Variants in ONECUT1 observed in about 807,000 individuals in gnomAD.
ONECUT1 encodes the protein hepatocyte nuclear factor 6.
ONECUT1 carries 12 observed loss-of-function variants against 25.6 expected under a neutral mutation model. That is an observed-to-expected ratio of 0.47 (90% CI 0.30 to 0.76). ONECUT1 has a LOEUF of 0.76. Among genes scored for constraint, ONECUT1 ranks in the 30% least tolerant of loss-of-function variants. ONECUT1 has a pLI of 0.07. For synonymous variants in ONECUT1, 285 were observed against 270.2 expected, an observed-to-expected ratio of 1.05 and a Z score of -0.54; for missense variants, 620 against 651.2, an observed-to-expected ratio of 0.95 and a Z score of 0.52.
rs753677708 is a variant in ONECUT1, at chr15:52,777,744, A to AAAAAC, written c.1105+11035_1105+11036insGTTTT. On this transcript the variant is annotated intron_variant, in intron 1 of 1. Coordinates refer to ENST00000305901, the MANE Select transcript of ONECUT1 (RefSeq NM_004498.4). ...CACACACACACACACACACAAAAAA[A>AAAAAC]CATGTAAAGTTATTTGTTCTCTTCC... Among the ~76,000 whole-genome samples the AAAAAC allele has an allele frequency of 3.3e-3, 491 of 146,764 alleles. 12 individuals are homozygous for AAAAAC. The highest frequency in any genetic ancestry group is 0.014 in the Middle Eastern group (4 of 286).
chr15:52,768,160 T>C (rs1343972666), intron 1 of ONECUT1, among the ~76,000 whole-genome samples: 1 of 152,196 alleles, frequency 6.6e-6, no homozygotes, highest in Admixed American at 6.5e-5. Flanking sequence ...TTATAATTTA[T>C]TGTATATTTC....
rs779412538 is a variant in ONECUT1, at chr15:52,789,046, A to T, written c.839T>A (p.Val280Asp). The T allele has an allele frequency of 8.7e-6, 14 of 1,603,912 alleles. No individual in the cohort carries two copies. The highest frequency in any genetic ancestry group is 1.2e-5 in the Non-Finnish European group (14 of 1,179,922). The change falls in exon 1 of 2, where the codon GTC (valine) becomes GAC (aspartate). Residue 280 changes from valine to aspartate, a missense_variant. Transcript: ENST00000305901. The surrounding 1 kb of genome is among the most constrained non-coding windows in gnomAD (Gnocchi z 4.1). ...EPNPSVTGAQ[V>D]SNGSNSGQME... ...CTGCCCTGAATTACTTCCATTGCTG[A>T]CCTGCGCGCCGGTCACCGAAGGGTT...
intron 1 of ONECUT1, among the ~76,000 whole-genome samples, chr15:52,764,079 C>A (rs1167304039): frequency 6.6e-6 from 1 of 152,136 alleles, no homozygotes. Context: ...AACTTATATC[C>A]ATTTTCCTGA....
chr15:52,790,142 T>C lies in ONECUT1; in HGVS notation c.-258A>G, dbSNP rs562083496. The stretch of plus-strand genomic sequence containing the variant: ...CTCTGCGTCCTCGGCTTTTTTTTTT[T>C]TAATATTAATTTCCAAAGAGGATCC... On this transcript the variant is annotated 5_prime_UTR_variant, in exon 1 of 2. Transcript: ENST00000305901. 37 of 444,102 alleles carry C rather than the reference T, an allele frequency of 8.3e-5. No individual in the cohort carries two copies. Among genetic ancestry groups the C allele is most frequent in the African/African-American group, 7.1e-4 (35 of 49,096 alleles). 27.5% of individuals were successfully genotyped at this position (444,102 alleles called of 1,614,324 possible).
In ONECUT1 at chr15:52,789,563, G is replaced by T. The variant is rs766028271; in HGVS notation, c.322C>A (p.Pro108Thr). The T allele has an allele frequency of 6.3e-7, 1 of 1,592,140 alleles. No individual in the cohort carries two copies. The highest frequency in any genetic ancestry group is 8.6e-7 in the Non-Finnish European group (1 of 1,167,650). The change falls in exon 1 of 2, where the codon CCT (proline) becomes ACT (threonine). Residue 108 changes from proline (P) to threonine (T), a missense_variant. By Grantham distance (38) the Pro-to-Thr change is conservative. This residue lies in a region of ONECUT1 where 440 missense variants were observed against 404.9 expected (regional missense o/e 1.09). Transcript: ENST00000305901. This position sits in a 1 kb window ranked among gnomAD's most constrained non-coding sequence, Gnocchi z 4.1. ...SMPTTYTTLT[P>T]LQPLPPISTV... is the part of the protein sequence containing the mutation. ...GAGATGGGAGGCAGCGGCTGCAGAGGGGTCAAGGTGGTGTAGGTGGTGGGC... is the reference window on the plus strand; with the variant it reads ...GAGATGGGAGGCAGCGGCTGCAGAGTGGTCAAGGTGGTGTAGGTGGTGGGC...
intron 1 of ONECUT1, among the ~76,000 whole-genome samples, chr15:52,768,026 A>T (rs2093701080): frequency 1.3e-5 from 2 of 152,218 alleles, no homozygotes; most frequent in Non-Finnish European, 2.9e-5. Context: ...GATGGTTACC[A>T]GAGGCTGGGA....
chr15:52,784,495 C>T lies in ONECUT1; in HGVS notation c.1105+4285G>A, dbSNP rs1042356202. Among the ~76,000 whole-genome samples the T allele has an allele frequency of 6.6e-6, 1 of 152,178 alleles. No homozygotes were observed. Among genetic ancestry groups the T allele is most frequent in the African/African-American group, 2.4e-5 (1 of 41,446 alleles). ...TCGCCACACAATAGCCATCAGCCCC[C>T]CTTAAGCCCCAGAAGTAGGTTTCCC... On this transcript the variant is annotated intron_variant, in intron 1 of 1. Coordinates refer to ENST00000305901, the MANE Select transcript of ONECUT1 (RefSeq NM_004498.4). This position sits in a 1 kb window ranked among gnomAD's most constrained non-coding sequence, Gnocchi z 5.0.
chr15:52,782,180 A>G (rs1197752225), intron 1 of ONECUT1, among the ~76,000 whole-genome samples: 1 of 152,194 alleles, frequency 6.6e-6, no homozygotes, highest in Non-Finnish European at 1.5e-5. Flanking sequence ...ATTAGCTATT[A>G]AGAAAAGAAA....
chr15:52,761,260 C>T lies in ONECUT1; in HGVS notation c.1106-3413G>A, dbSNP rs528118509. Among the ~76,000 whole-genome samples the T allele has an allele frequency of 7.9e-5, 12 of 152,276 alleles. No homozygotes were observed. The South Asian group carries it at 2.5e-3, about 32-fold the overall frequency. Reference sequence around the variant, plus strand: ...TCCTCCTTCTGTCCAGTCTTACTTCCTTCACCACCCCCAGGGGGATTATTT... The same window carrying T: ...TCCTCCTTCTGTCCAGTCTTACTTCTTTCACCACCCCCAGGGGGATTATTT... On this transcript the variant is annotated intron_variant, in intron 1 of 1. Coordinates refer to ENST00000305901, the MANE Select transcript of ONECUT1 (RefSeq NM_004498.4).
At chr15:52,782,650 C>G (rs2083848644) in intron 1 of ONECUT1, among the ~76,000 whole-genome samples, 1 of 152,198 alleles carries the variant, frequency 6.6e-6, no homozygotes, top group Non-Finnish European at 1.5e-5. Flanking sequence ...AATGCACCCT[C>G]TAACAACCAC....
At position 52,757,497 on chromosome 15, in the gene ONECUT1, T is replaced by A. The variant is rs527423409; in HGVS notation, c.*58A>T. The stretch of plus-strand genomic sequence containing the variant: ...CTGCTATCTTGAGGTCCTGGTCTTT[T>A]AAAAATTTTTTTTAATTTAAAGCTT... On this transcript the variant is annotated 3_prime_UTR_variant, in exon 2 of 2. Coordinates refer to ENST00000305901, the MANE Select transcript of ONECUT1 (RefSeq NM_004498.4). 194 of 1,536,366 alleles carry A rather than the reference T, an allele frequency of 1.3e-4. No homozygotes were observed. The highest frequency in any genetic ancestry group is 1.4e-4 in the Non-Finnish European group (162 of 1,144,592).
chr15:52,786,200 A>G (rs1490498329), intron 1 of ONECUT1, among the ~76,000 whole-genome samples: 1 of 152,260 alleles, frequency 6.6e-6, no homozygotes, highest in East Asian at 1.9e-4. Flanking sequence ...TGGAAAGTTC[A>G]GAAAATAACC....
intron 1 of ONECUT1, chr15:52,786,065 C>G (rs1413093512): frequency 2.0e-5 from 3 of 152,264 alleles, no homozygotes; most frequent in African/African-American, 4.8e-5. Context: ...GCAAGGAAAG[C>G]TGCCAGGGGC....
intron 1 of ONECUT1, among the ~76,000 whole-genome samples, chr15:52,776,467 C>T (rs974957545): frequency 6.6e-6 from 1 of 152,194 alleles, no homozygotes; most frequent in Non-Finnish European, 1.5e-5. Context: ...TATAATCAGA[C>T]CCTCAGAATC....
chr15:52,778,085 A>C (rs1433515855), intron 1 of ONECUT1, among the ~76,000 whole-genome samples: 1 of 152,190 alleles, frequency 6.6e-6, no homozygotes, highest in African/African-American at 2.4e-5. Context: ...CTCAATGTTA[A>C]AAATAAATAA....
At chr15:52,780,754 G>A in intron 1 of ONECUT1, 3 of 1,458,304 alleles carry the variant, frequency 2.1e-6, no homozygotes, top group African/African-American at 2.8e-5. Flanking sequence ...TGTTTTAGAA[G>A]ACAACAGGAA....
chr15:52,782,847 C>G (rs2083850101), intron 1 of ONECUT1, among the ~76,000 whole-genome samples: 1 of 152,188 alleles, frequency 6.6e-6, no homozygotes, highest in Non-Finnish European at 1.5e-5. Flanking sequence ...AATAAATGGA[C>G]TTTACAAAGA....
intron 1 of ONECUT1, among the ~76,000 whole-genome samples, chr15:52,762,220 GCAGGA>G (rs1566988808): frequency 6.6e-6 from 1 of 152,182 alleles, no homozygotes; most frequent in Non-Finnish European, 1.5e-5. Context: ...TTGGCATTTG[GCAGGA>G]CTGTCTGCTG....
rs35891922 is a variant in ONECUT1, at chr15:52,774,122, TACACACACACACAC to T, written c.1105+14644_1105+14657del. Among the ~76,000 whole-genome samples the T allele has an allele frequency of 6.3e-3, 874 of 137,772 alleles. 6 individuals carry two copies. The highest frequency in any genetic ancestry group is 0.022 in the African/African-American group (806 of 36,354). The allele number at this position is 137,772 out of a possible 152,430, so 90.4% of individuals were successfully genotyped here. A position where few individuals can be genotyped will look rare whatever the true frequency, so the allele number is the denominator to read the frequency against. Reference sequence around the variant, plus strand: ...TCCCATAGGGAAAAGATTGGAAGGATACACACACACACACACACACACACACACACACACACACA... The same window carrying T: ...TCCCATAGGGAAAAGATTGGAAGGATACACACACACACACACACACACACA... On this transcript the variant is annotated intron_variant, in intron 1 of 1. Transcript: ENST00000305901.
Sources: allele counts gnomAD v4.1 joint callset (sites outside exome capture counted in the v4.1 genomes callset), GRCh38; gene constraint gnomAD v4.1.1; regional missense constraint gnomAD v4.1.1; non-coding constraint Gnocchi (gnomAD v3.1); transcripts MANE v1.5; gene names NCBI Gene and HGNC (gene_info 2026-07-23, HGNC 2026-07-21).